Variants in THRB observed in about 807,000 individuals in gnomAD.
The protein encoded by THRB is nuclear receptor subfamily 1 group A member 2.
Under a neutral mutation model 47.8 loss-of-function variants are expected in THRB, and 12 were observed. The observed-to-expected ratio is 0.25, with a 90% confidence interval of 0.16 to 0.41. The LOEUF is 0.41. Among genes scored for constraint, THRB ranks in the 10% least tolerant of loss-of-function variants. The pLI, the probability that THRB is intolerant of heterozygous loss-of-function variation, is 1.00. For missense variants in THRB, 348 were observed against 589.2 expected, an observed-to-expected ratio of 0.59 and a Z score of 4.24; for synonymous variants, 218 against 212.2, an observed-to-expected ratio of 1.03 and a Z score of -0.24.
intron 3 of THRB, among the ~76,000 whole-genome samples, chr3:24,253,160 TA>T (rs2050837511): frequency 6.6e-6 from 1 of 152,116 alleles, no homozygotes; most frequent in African/African-American, 2.4e-5. Flanking sequence ...TGAAATGCAA[TA>T]ACATAATAGA....
At chr3:24,453,794 T>G (rs534517451) in intron 1 of THRB, among the ~76,000 whole-genome samples, 181 of 152,300 alleles carry the variant, frequency 1.2e-3, no homozygotes, top group Middle Eastern at 6.8e-3. Flanking sequence ...CATCTTTCTA[T>G]TCCACTGGCC....
At chr3:24,414,164 G>T (rs1169075851) in intron 1 of THRB, among the ~76,000 whole-genome samples, 1 of 151,808 alleles carries the variant, frequency 6.6e-6, no homozygotes, top group Middle Eastern at 3.2e-3. Context: ...ATTCAGGAAA[G>T]ACATTGCATA....
At chr3:24,474,935 C>G (rs1695225883) in intron 1 of THRB, among the ~76,000 whole-genome samples, 1 of 152,182 alleles carries the variant, frequency 6.6e-6, no homozygotes. Flanking sequence ...AGGATAATGA[C>G]TTAATATGAT....
intron 3 of THRB, among the ~76,000 whole-genome samples, chr3:24,260,948 G>C (rs966576609): frequency 6.6e-6 from 1 of 152,176 alleles, no homozygotes; most frequent in African/African-American, 2.4e-5. Context: ...CCCAACCCCA[G>C]AGTTTCTGAA....
At chr3:24,128,861 C>CTTTTT (rs2033354063) in intron 9 of THRB, among the ~76,000 whole-genome samples, 2 of 58,274 alleles carry the variant, frequency 3.4e-5, no homozygotes, top group Non-Finnish European at 3.8e-5. Flanking sequence ...GGAAACATAA[C>CTTTTT]TCTTTTTTTT....
At chr3:24,254,146 G>A (rs1411665881) in intron 3 of THRB, among the ~76,000 whole-genome samples, 2 of 138,544 alleles carry the variant, frequency 1.4e-5, no homozygotes, top group Admixed American at 7.8e-5. Context: ...GGTGGATCAC[G>A]AGGTCAGGAG....
chr3:24,169,131 G>A (rs1046433010), intron 5 of THRB, among the ~76,000 whole-genome samples: 1 of 152,086 alleles, frequency 6.6e-6, no homozygotes, highest in African/African-American at 2.4e-5. Context: ...TTCTGTTTTA[G>A]TAATTGAACC....
At chr3:24,173,033 C>G (rs1297548641) in intron 5 of THRB, among the ~76,000 whole-genome samples, 1 of 152,134 alleles carries the variant, frequency 6.6e-6, no homozygotes, top group Non-Finnish European at 1.5e-5. Context: ...ATTCTTAGGT[C>G]AGTGATTCTC....
chr3:24,307,520 C>A (rs1158000397), intron 2 of THRB, among the ~76,000 whole-genome samples: 1 of 152,016 alleles, frequency 6.6e-6, no homozygotes, highest in Non-Finnish European at 1.5e-5. Context: ...ATATAGTTCA[C>A]CATGTAGATA....
chr3:24,400,821 G>T (rs956304301), intron 1 of THRB, among the ~76,000 whole-genome samples: 2 of 151,988 alleles, frequency 1.3e-5, no homozygotes, highest in African/African-American at 4.8e-5. Context: ...TTACCTTATT[G>T]AGTTGCCCCT....
intron 1 of THRB, among the ~76,000 whole-genome samples, chr3:24,479,452 T>A (rs567891808): frequency 6.6e-6 from 1 of 152,284 alleles, no homozygotes; most frequent in African/African-American, 2.4e-5. Context: ...GGGGGCATGG[T>A]AGAGACAAGA....
At chr3:24,203,526 C>G (rs72619926) in intron 4 of THRB, among the ~76,000 whole-genome samples, 1 of 152,108 alleles carries the variant, frequency 6.6e-6, no homozygotes, top group Non-Finnish European at 1.5e-5. Flanking sequence ...AGTTTTGGGG[C>G]GGTTCTCAGA....
At chr3:24,255,582 C>A (rs2051177130) in intron 3 of THRB, among the ~76,000 whole-genome samples, 1 of 152,110 alleles carries the variant, frequency 6.6e-6, no homozygotes, top group Admixed American at 6.5e-5. Context: ...GAAGTGCCAA[C>A]TAGAATGAAG....
chr3:24,299,562 ATC>A (rs1322143549), intron 2 of THRB, among the ~76,000 whole-genome samples: 45 of 151,976 alleles, frequency 3.0e-4, no homozygotes, highest in Admixed American at 2.9e-3. Context: ...ACTCTATCTG[ATC>A]TCTGTTTTTC....
intron 3 of THRB, among the ~76,000 whole-genome samples, chr3:24,269,277 CCACACACACACA>C (rs4024153): frequency 0.014 from 1,949 of 140,728 alleles, 44 homozygotes; most frequent in African/African-American, 0.049. Flanking sequence ...AATGGATACA[CCACACACACACA>C]CACACACACA....
chr3:24,244,156 C>G (rs1232903298), intron 3 of THRB, among the ~76,000 whole-genome samples: 1 of 151,900 alleles, frequency 6.6e-6, no homozygotes, highest in Non-Finnish European at 1.5e-5. Context: ...ATGAAGGTAT[C>G]CTGAAAGGAG....
intron 3 of THRB, among the ~76,000 whole-genome samples, chr3:24,285,997 T>C (rs1418101204): frequency 1.3e-5 from 2 of 152,144 alleles, no homozygotes; most frequent in African/African-American, 4.8e-5. Flanking sequence ...CATGATGGGA[T>C]TAGTGCCCTT....
At chr3:24,465,439 G>T (rs998681702) in intron 1 of THRB, among the ~76,000 whole-genome samples, 1 of 152,084 alleles carries the variant, frequency 6.6e-6, no homozygotes, top group East Asian at 1.9e-4. Context: ...GTCTCCCTCC[G>T]TTGCCTAGAT....
At chr3:24,327,133 A>G (rs2061648824) in intron 2 of THRB, among the ~76,000 whole-genome samples, 1 of 152,190 alleles carries the variant, frequency 6.6e-6, no homozygotes, top group East Asian at 1.9e-4. Context: ...ATAAGTCAGC[A>G]TAACATAGGA....
Sources: gnomAD v4.1 joint callset for allele counts (sites outside exome capture counted in the v4.1 genomes callset) on GRCh38, gnomAD v4.1.1 for gene constraint, MANE v1.5 for transcripts, NCBI Gene and HGNC (gene_info 2026-07-23, HGNC 2026-07-21) for gene names.